SOX5: variants seen among roughly 807,000 people sequenced by gnomAD.
SOX5 encodes the protein transcription factor SOX-5.
A neutral mutation model predicts 92.0 loss-of-function variants in SOX5; 9 were observed. The ratio of observed to expected loss-of-function variants is 0.10; its 90% CI spans 0.06 to 0.17. SOX5 has a LOEUF of 0.17. Among genes scored for constraint, SOX5 ranks in the 10% least tolerant of loss-of-function variants. SOX5 has a pLI of 1.00. For synonymous variants in SOX5, 344 were observed against 336.3 expected (o/e 1.02, Z -0.25); for missense variants, 642 against 944.5 (o/e 0.68, Z 4.20).
intron 3 of SOX5, among the ~76,000 whole-genome samples, chr12:23,760,714 C>T (rs1267781945): frequency 6.6e-6 from 1 of 152,096 alleles, no homozygotes; most frequent in Non-Finnish European, 1.5e-5. Flanking sequence ...CAGTGCCAAA[C>T]ACTCTTAAGA....
intron 4 of SOX5, among the ~76,000 whole-genome samples, chr12:23,970,826 TTATATA>T (rs1279338430): frequency 3.9e-5 from 1 of 25,782 alleles, no homozygotes; most frequent in African/African-American, 1.2e-4. Context: ...ACATGGGACT[TTATATA>T]TATATATAAT....
chr12:24,324,434 T>C (rs1225830058), intron 2 of SOX5, among the ~76,000 whole-genome samples: 2 of 152,094 alleles, frequency 1.3e-5, no homozygotes, highest in African/African-American at 2.4e-5. Context: ...AAATTCTTCT[T>C]TAGAAGGACT....
intron 1 of SOX5, among the ~76,000 whole-genome samples, chr12:24,502,527 C>G (rs1948317814): frequency 6.6e-6 from 1 of 152,038 alleles, no homozygotes; most frequent in South Asian, 2.1e-4. Context: ...GAAGAAGGAA[C>G]AGTTCTTCCT....
rs200003836 is a variant in SOX5, at chr12:24,485,611, G to GA, written c.-251+76717dup. ...CCTTCCCATTTGTTGTGATGACTAGGAAAAAAAAATGTATCTAAAGAGCAC... is the reference window on the plus strand; with the variant it reads ...CCTTCCCATTTGTTGTGATGACTAGGAAAAAAAAAATGTATCTAAAGAGCAC... On this transcript the variant is annotated intron_variant, in intron 1 of 4. Transcript: ENST00000446891. Among the ~76,000 whole-genome samples, 574 of 150,394 alleles carry GA rather than the reference G, an allele frequency of 3.8e-3. 2 individuals are homozygous for GA. The highest frequency in any genetic ancestry group is 0.013 in the African/African-American group (533 of 41,048).
intron 1 of SOX5, among the ~76,000 whole-genome samples, chr12:24,505,737 A>G (rs188348267): frequency 1.6e-4 from 24 of 152,238 alleles, no homozygotes; most frequent in Admixed American, 5.2e-4. Flanking sequence ...TGAGTCCATC[A>G]ATTTGTATGT....
chr12:24,232,911 A>G (rs1443379487), intron 3 of SOX5, among the ~76,000 whole-genome samples: 1 of 152,228 alleles, frequency 6.6e-6, no homozygotes, highest in East Asian at 1.9e-4. Context: ...TCCACATGGC[A>G]GCAATCTACT....
At chr12:23,878,737 TTCTC>T (rs1228363806) in intron 2 of SOX5, among the ~76,000 whole-genome samples, 1 of 152,236 alleles carries the variant, frequency 6.6e-6, no homozygotes. Context: ...ATATTTTTTA[TTCTC>T]TCTTTTCCTT....
At chr12:24,212,602 A>C (rs1958749900) in intron 4 of SOX5, 1 of 444,848 alleles carries the variant, frequency 2.2e-6, no homozygotes, top group Non-Finnish European at 4.5e-6. Flanking sequence ...TGAAACAACC[A>C]AGACACTTCC....
intron 1 of SOX5, among the ~76,000 whole-genome samples, chr12:23,907,060 A>G (rs1046526101): frequency 2.0e-4 from 31 of 152,154 alleles, no homozygotes; most frequent in African/African-American, 7.5e-4. Context: ...TTTCTATCAG[A>G]ACAATTGGTA....
chr12:23,704,160 C>T (rs1271180567), intron 6 of SOX5, among the ~76,000 whole-genome samples: 2 of 151,842 alleles, frequency 1.3e-5, no homozygotes, highest in Non-Finnish European at 2.9e-5. Flanking sequence ...GACTCCTCCC[C>T]ATCTTCTAAC....
chr12:24,325,675 T>A (rs1484736894), intron 2 of SOX5, among the ~76,000 whole-genome samples: 4 of 152,212 alleles, frequency 2.6e-5, no homozygotes, highest in Non-Finnish European at 5.9e-5. Flanking sequence ...GGAAAAGACA[T>A]GTTTTAGATA....
intron 3 of SOX5, among the ~76,000 whole-genome samples, chr12:23,790,869 C>T (rs1358178671): frequency 6.6e-6 from 1 of 152,006 alleles, no homozygotes; most frequent in Non-Finnish European, 1.5e-5. Context: ...ATATTTACAC[C>T]CCGCTCTATA....
At chr12:23,894,777 G>A (rs1342960906) in intron 2 of SOX5, among the ~76,000 whole-genome samples, 4 of 151,582 alleles carry the variant, frequency 2.6e-5, no homozygotes, top group African/African-American at 7.3e-5. Flanking sequence ...TAATTTCCTG[G>A]AGGAAAAAAA....
At chr12:23,960,631 C>T (rs1454021932) in intron 4 of SOX5, among the ~76,000 whole-genome samples, 1 of 149,212 alleles carries the variant, frequency 6.7e-6, no homozygotes, top group South Asian at 2.1e-4. Context: ...GAATACTACA[C>T]AGCTGTTAAC....
chr12:23,774,711 A>G (rs2095044578), intron 3 of SOX5, among the ~76,000 whole-genome samples: 1 of 152,186 alleles, frequency 6.6e-6, no homozygotes, highest in African/African-American at 2.4e-5. Context: ...GCAAAAGAGC[A>G]ATTGTGCACT....
chr12:24,207,529 A>T (rs1196843885), intron 4 of SOX5, among the ~76,000 whole-genome samples: 1 of 152,236 alleles, frequency 6.6e-6, no homozygotes, highest in African/African-American at 2.4e-5. Context: ...AGAAATGATT[A>T]TATCCTAGTG....
At chr12:23,700,360 C>T (rs1036714626) in intron 6 of SOX5, among the ~76,000 whole-genome samples, 20 of 152,082 alleles carry the variant, frequency 1.3e-4, no homozygotes, top group African/African-American at 2.2e-4. Flanking sequence ...CTTACAGTGT[C>T]GTAGTCTGTG....
chr12:24,233,915 G>A (rs1203853184), intron 3 of SOX5, among the ~76,000 whole-genome samples: 1 of 152,254 alleles, frequency 6.6e-6, no homozygotes, highest in East Asian at 1.9e-4. Flanking sequence ...TTTTATCTAG[G>A]AAAATGTACT....
chr12:24,285,016 T>C (rs149312621), intron 2 of SOX5, among the ~76,000 whole-genome samples: 3,093 of 152,122 alleles, frequency 0.02, 99 homozygotes, highest in African/African-American at 0.07. Flanking sequence ...TCCCAGCTAC[T>C]TGGGATGCTG....
Sources: gnomAD v4.1 joint callset for allele counts (sites outside exome capture counted in the v4.1 genomes callset) on GRCh38, gnomAD v4.1.1 for gene constraint, MANE v1.5 for transcripts, NCBI Gene and HGNC (gene_info 2026-07-23, HGNC 2026-07-21) for gene names.